POU6F2: variants seen among roughly 807,000 people sequenced by gnomAD.
POU6F2 encodes the protein POU domain, class 6, transcription factor 2.
A neutral mutation model predicts 71.3 loss-of-function variants in POU6F2; 31 were observed. The ratio of observed to expected loss-of-function variants is 0.43; its 90% confidence interval spans 0.33 to 0.59. The LOEUF (loss-of-function observed/expected upper bound fraction) is 0.59. Ranked by LOEUF, POU6F2 falls within the 20% of genes least tolerant of loss-of-function variation. POU6F2 has a pLI of 0.04. For synonymous variants in POU6F2, 347 were observed against 355.7 expected, an observed-to-expected ratio of 0.98 and a Z score of 0.27; for missense variants, 783 against 856.8, an observed-to-expected ratio of 0.91 and a Z score of 1.07.
intron 2 of POU6F2, among the ~76,000 whole-genome samples, chr7:39,146,176 A>G (rs1045651149): frequency 8.5e-5 from 13 of 152,230 alleles, no homozygotes; most frequent in African/African-American, 3.1e-4. Context: ...GGGAGGAGGC[A>G]TATGATTAAC....
chr7:39,422,782 C>T (rs986675565), intron 6 of POU6F2, among the ~76,000 whole-genome samples: 1 of 152,180 alleles, frequency 6.6e-6, no homozygotes, highest in Admixed American at 6.5e-5. Flanking sequence ...TTCCCACCTA[C>T]ACCCCATAAA....
At chr7:39,230,246 G>A (rs970645601) in intron 4 of POU6F2, among the ~76,000 whole-genome samples, 1 of 152,112 alleles carries the variant, frequency 6.6e-6, no homozygotes, top group Non-Finnish European at 1.5e-5. Context: ...TTGGGAGGCT[G>A]AGACAGGAGG....
Position 39,365,302 on chromosome 7 carries a change from T to G in POU6F2, c.972+25287T>G, listed in dbSNP as rs200597105. Among the ~76,000 whole-genome samples, 10 of 152,282 alleles carry G rather than the reference T, an allele frequency of 6.6e-5. No individual in the cohort carries two copies. The East Asian group carries it at 1.9e-3, about 29-fold the overall frequency. ...CATAAAGTGGGGAAGGGTCCCCTAT[T>G]CAACAAATGGTGCTGGGATAATTGG... On this transcript the variant is annotated intron_variant, in intron 5 of 9. Transcript: ENST00000518318.
At chr7:39,431,915 TG>T (rs1429193080) in intron 6 of POU6F2, among the ~76,000 whole-genome samples, 2 of 152,174 alleles carry the variant, frequency 1.3e-5, no homozygotes, top group Non-Finnish European at 2.9e-5. Context: ...CCAGAGCCCT[TG>T]AAGGCAACCG....
chr7:39,434,213 A>C (rs960673917), intron 7 of POU6F2, among the ~76,000 whole-genome samples: 5 of 152,326 alleles, frequency 3.3e-5, no homozygotes, highest in African/African-American at 9.6e-5. Context: ...AACAGCAGGC[A>C]CAAAGGCAGG....
intron 9 of POU6F2, among the ~76,000 whole-genome samples, chr7:39,461,353 T>C (rs1788945543): frequency 6.6e-6 from 1 of 152,166 alleles, no homozygotes; most frequent in Non-Finnish European, 1.5e-5. Flanking sequence ...AATCCAGCCT[T>C]GGTTGTGTTC....
At chr7:39,191,477 C>A (rs917923485) in intron 2 of POU6F2, among the ~76,000 whole-genome samples, 2 of 152,030 alleles carry the variant, frequency 1.3e-5, no homozygotes, top group African/African-American at 4.8e-5. Flanking sequence ...GGACTGAAAA[C>A]CTGTAAGTTA....
intron 1 of POU6F2, among the ~76,000 whole-genome samples, chr7:39,024,112 C>T (rs1451496573): frequency 1.1e-4 from 17 of 152,082 alleles, no homozygotes; most frequent in Admixed American, 9.8e-4. Context: ...GCCATTTCCA[C>T]GATATTGATT....
intron 4 of POU6F2, among the ~76,000 whole-genome samples, chr7:39,215,567 C>T (rs997029372): frequency 2.6e-5 from 4 of 152,128 alleles, no homozygotes; most frequent in Non-Finnish European, 5.9e-5. Context: ...TTCATTTGTT[C>T]AATGAATATT....
chr7:39,217,364 A>G (rs1256765395), intron 4 of POU6F2, among the ~76,000 whole-genome samples: 1 of 152,144 alleles, frequency 6.6e-6, no homozygotes, highest in African/African-American at 2.4e-5. Context: ...TATGTGCTAA[A>G]CCTTCTGGTA....
At chr7:39,176,492 C>T (rs954383360) in intron 2 of POU6F2, among the ~76,000 whole-genome samples, 3 of 152,136 alleles carry the variant, frequency 2.0e-5, no homozygotes, top group Non-Finnish European at 4.4e-5. Flanking sequence ...TGATGAATTC[C>T]CATTTGCTCC....
In POU6F2 at chr7:39,309,674, C is replaced by T. The variant is rs148201906; in HGVS notation, c.599-29968C>T. 3.2e-3 allele frequency among the ~76,000 whole-genome samples: 484 copies of T among 152,308 alleles called. 3 individuals carry two copies. The highest frequency in any genetic ancestry group is 0.011 in the African/African-American group (442 of 41,564). On this transcript the variant is annotated intron_variant, in intron 4 of 9. Coordinates refer to ENST00000518318, the MANE Select transcript of POU6F2 (RefSeq NM_001370959.1). The stretch of plus-strand genomic sequence containing the variant: ...TTGCATAAAACATGAAGAAAGCCTA[C>T]GCTTGTCATTTTTACAAGGTTACCT...
intron 5 of POU6F2, among the ~76,000 whole-genome samples, chr7:39,363,662 G>A (rs1786439960): frequency 6.7e-6 from 1 of 149,468 alleles, no homozygotes; most frequent in African/African-American, 2.5e-5. Flanking sequence ...AGATTAAGAA[G>A]AGGGCTCAGT....
chr7:39,339,724 C>T lies in POU6F2; in HGVS notation c.681C>T (p.Pro227=), dbSNP rs1002438566. 1 of 1,605,842 alleles carries T rather than the reference C, an allele frequency of 6.2e-7. No individual in the cohort carries two copies. The highest frequency in any genetic ancestry group is 8.5e-7 in the Non-Finnish European group (1 of 1,177,518). Residue 227 remains proline (P), a synonymous_variant, in exon 5 of 10, where the codon CCC becomes CCT. Coordinates refer to ENST00000518318, the MANE Select transcript of POU6F2 (RefSeq NM_001370959.1). ...QQQQQQQQQP[P]PSTNQHPQPA... Reference sequence around the variant, plus strand: ...AGCAGCAGCAGCAGCAGCAGCCTCCCCCGTCAACCAACCAGCACCCGCAAC... The same window carrying T: ...AGCAGCAGCAGCAGCAGCAGCCTCCTCCGTCAACCAACCAGCACCCGCAAC...
intron 1 of POU6F2, among the ~76,000 whole-genome samples, chr7:38,980,005 A>T (rs150101907): frequency 2.6e-5 from 4 of 152,314 alleles, no homozygotes; most frequent in Non-Finnish European, 4.4e-5. Flanking sequence ...TACAGATAGT[A>T]GGCTTAACTT....
In POU6F2 at chr7:39,413,143, G is replaced by A. The variant is rs577675493; in HGVS notation, c.1113+6403G>A. Among the ~76,000 whole-genome samples the A allele has an allele frequency of 2.0e-5, 3 of 151,440 alleles. No individual in the cohort carries two copies. The East Asian group carries it at 5.8e-4, about 29-fold the overall frequency. On this transcript the variant is annotated intron_variant, in intron 6 of 9. Transcript: ENST00000518318. ...TAAAAGAAACAGAGGGATAGGAGCCGCGGGAAGCAGCCACAAAAAAAATAA... is the reference window on the plus strand; with the variant it reads ...TAAAAGAAACAGAGGGATAGGAGCCACGGGAAGCAGCCACAAAAAAAATAA...
chr7:39,394,842 T>TA (rs1352545986), intron 5 of POU6F2, among the ~76,000 whole-genome samples: 1 of 152,118 alleles, frequency 6.6e-6, no homozygotes, highest in African/African-American at 2.4e-5. Flanking sequence ...AGCATACCCC[T>TA]ACACTGGCTT....
At chr7:39,097,657 A>G (rs966689133) in intron 2 of POU6F2, among the ~76,000 whole-genome samples, 2 of 152,226 alleles carry the variant, frequency 1.3e-5, no homozygotes, top group African/African-American at 4.8e-5. Context: ...TGATCCATTC[A>G]ATAAATGTTT....
Position 39,015,822 on chromosome 7 carries a change from T to G in POU6F2, c.105+37764T>G, listed in dbSNP as rs1402948253. Reference sequence around the variant, plus strand: ...AGATATATATTATATAGGTATATATTATATATAGATATATAATATATTATA... The same window carrying G: ...AGATATATATTATATAGGTATATATGATATATAGATATATAATATATTATA... On this transcript the variant is annotated intron_variant, in intron 1 of 9. Transcript: ENST00000518318. 7.9e-5 allele frequency among the ~76,000 whole-genome samples: 5 copies of G among 63,338 alleles called. No individual in the cohort carries two copies. The East Asian group carries it at 1.7e-3, about 22-fold the overall frequency. The allele number at this position is 63,338 out of a possible 152,430, so 41.6% of individuals were successfully genotyped here. A position where few individuals can be genotyped will look rare whatever the true frequency, so the allele number is the denominator to read the frequency against.
Sources: allele counts gnomAD v4.1 joint callset (sites outside exome capture counted in the v4.1 genomes callset), GRCh38; gene constraint gnomAD v4.1.1; transcripts MANE v1.5; gene names NCBI Gene and HGNC (gene_info 2026-07-23, HGNC 2026-07-21).